The following HDAC10 variants were observed in gnomAD, a reference collection of about 807,000 sequenced individuals.
The protein encoded by HDAC10 is histone deacetylase 10.
A neutral mutation model predicts 82.3 loss-of-function variants in HDAC10; 90 were observed. The ratio of observed to expected loss-of-function variants is 1.09; its 90% CI spans 0.92 to 1.30. The LOEUF (loss-of-function observed/expected upper bound fraction) is 1.30. Among genes scored for constraint, HDAC10 ranks in the 50% most tolerant of loss-of-function variants. The pLI, the probability that HDAC10 is intolerant of heterozygous loss-of-function variation, is 0.00. For synonymous variants in HDAC10, 456 were observed against 391.7 expected (o/e 1.16, Z -1.94); for missense variants, 934 against 876.3 (o/e 1.07, Z -0.83).
chr22:50,247,061 G>C (rs577247434), intron 14 of HDAC10, 95 bp from the exon 15 acceptor site: 1 of 711,252 alleles, frequency 1.4e-6, no homozygotes, highest in Non-Finnish European at 2.3e-6. Context: ...GTGTCTCTGC[G>C]GCTACTGTCA....
chr22:50,248,539 C>A lies in HDAC10; in HGVS notation c.907-67G>T. The A allele has an allele frequency of 6.6e-7, 1 of 1,523,582 alleles. No homozygotes were observed. Among genetic ancestry groups the A allele is most frequent in the Non-Finnish European group, 8.9e-7 (1 of 1,129,126 alleles). 94.4% of individuals were successfully genotyped at this position (1,523,582 alleles called of 1,614,324 possible). ...TGGGATGGGATGTCACCGGGAGAGC[C>A]CCTGCCTGGCTCTATCCCGGGCAGG... On this transcript the variant is annotated intron_variant, in intron 10 of 19. Transcript: ENST00000216271. The surrounding 1 kb of genome is among the most constrained non-coding windows in gnomAD (Gnocchi z 5.4).
chr22:50,247,436 A>G (rs752728663), intron 14 of HDAC10: 1 of 431,552 alleles, frequency 2.3e-6, no homozygotes, highest in African/African-American at 2.0e-5. Context: ...CCCTGCCTAA[A>G]TGTATACTTT....
Position 50,247,272 on chromosome 22 carries a change from A to G in HDAC10, c.1423-306T>C, listed in dbSNP as rs968197262. 11 of 336,650 alleles carry G rather than the reference A, an allele frequency of 3.3e-5. 1 individual carries two copies. In the South Asian group the frequency reaches 5.5e-4, roughly 17 times the overall value. 20.9% of individuals were successfully genotyped at this position (336,650 alleles called of 1,614,324 possible). Reference sequence around the variant, plus strand: ...TCCTGCCTCAGCCTCCTAAGTAACTACAGGCACACACCACCACGCTTGGCT... The same window carrying G: ...TCCTGCCTCAGCCTCCTAAGTAACTGCAGGCACACACCACCACGCTTGGCT... On this transcript the variant is annotated intron_variant, in intron 14 of 19. Coordinates refer to ENST00000216271, the MANE Select transcript of HDAC10 (RefSeq NM_032019.6).
rs780472298 is a variant in HDAC10, at chr22:50,246,889, G to A, written c.1500C>T (p.Ser500=). ...TLDVAVRRGL[S]HGAQRLLCVA... ...GTGAGGCTTACCTCTGGGCTCCGTG[G>A]GACAGGCCTCTCCGAACAGCCACAT... Residue 500 remains serine, a synonymous_variant, in exon 15 of 20, where the codon TCC becomes TCT. Coordinates refer to ENST00000216271, the MANE Select transcript of HDAC10 (RefSeq NM_032019.6). 1 of 1,612,114 alleles carries A rather than the reference G, an allele frequency of 6.2e-7. No homozygotes were observed. Among genetic ancestry groups the A allele is most frequent in the Admixed American group, 1.7e-5 (1 of 59,928 alleles).
chr22:50,246,319 A>G lies in HDAC10; in HGVS notation c.1629T>C (p.His543=), dbSNP rs199702126. The G allele has an allele frequency of 1.2e-6, 2 of 1,613,064 alleles. No individual in the cohort carries two copies. The highest frequency in any genetic ancestry group is 1.1e-5 in the South Asian group (1 of 91,080). The change falls in exon 17 of 20, where the codon CAT becomes CAC. Residue 543 remains histidine (H), a synonymous_variant. Coordinates refer to ENST00000216271, the MANE Select transcript of HDAC10 (RefSeq NM_032019.6). The part of the protein sequence containing the change: ...GKEAAALSMF[H]VSTPLPVMTG... ...TCACCACTGGCAGTGGCGTGGAGAC[A>G]TGGAACATGGATAGGGCAGCCGCCT...
rs566270218 is a variant in HDAC10 at position 50,250,107 on chromosome 22, G to A, written c.345C>T (p.Asp115=). ...TTTGCACAGCTCCAGTGAGCACAGC[G>A]TCCACCAGCTGCAGTCCAGCCCCTG... ...LAAGAGLQLV[D]AVLTGAVQNG... Residue 115 remains aspartate, a synonymous_variant, in exon 4 of 20, where the codon GAC becomes GAT. Transcript: ENST00000216271. 80 of 1,612,706 alleles carry A rather than the reference G, an allele frequency of 5.0e-5. No individual in the cohort carries two copies. The South Asian group carries it at 6.4e-4, about 13-fold the overall frequency.
chr22:50,246,566 C>CA, intron 16 of HDAC10, 113 bp downstream of exon 16: 4 of 1,176,706 alleles, frequency 3.4e-6, no homozygotes, highest in Non-Finnish European at 5.0e-6. Flanking sequence ...AGGAAGGCTC[C>CA]ATTCAGTACC....
In HDAC10 at chr22:50,249,523, A is replaced by G; in HGVS notation, c.564-69T>C. On this transcript the variant is annotated intron_variant, in intron 6 of 19. Transcript: ENST00000216271. The surrounding 1 kb of genome is among the most constrained non-coding windows in gnomAD (Gnocchi z 4.4). ...TCAACAGCTCTACAGCTCCCTGTAG[A>G]ACGCTGACCCCTGAGCACATGTCTG... 6.8e-6 allele frequency: 11 copies of G among 1,606,352 alleles called. No individual in the cohort carries two copies. Among genetic ancestry groups the G allele is most frequent in the Non-Finnish European group, 9.4e-6 (11 of 1,175,192 alleles).
chr22:50,245,975 C>G lies in HDAC10; in HGVS notation c.1768G>C (p.Ala590Pro). ...CGAAGCATTGCAGCCAGGAGTGCAGCGTGGGGGCCCTGCAGGCCATGGCCA... is the reference window on the plus strand; with the variant it reads ...CGAAGCATTGCAGCCAGGAGTGCAGGGTGGGGGCCCTGCAGGCCATGGCCA... ...GPGHGLQGPH[A>P]ALLAAMLRGL... is the part of the protein sequence containing the mutation. The change falls in exon 18 of 20, where the codon GCT becomes CCT. Residue 590 changes from alanine to proline, a missense_variant. Physicochemically the swap from Ala to Pro is conservative, Grantham distance 27. Coordinates refer to ENST00000216271, the MANE Select transcript of HDAC10 (RefSeq NM_032019.6). 1 of 1,608,672 alleles carries G rather than the reference C, an allele frequency of 6.2e-7. No individual in the cohort carries two copies. Among genetic ancestry groups the G allele is most frequent in the Non-Finnish European group, 8.5e-7 (1 of 1,178,260 alleles).
chr22:50,249,392 G>T lies in HDAC10; in HGVS notation c.626C>A (p.Ser209Ter). ...HGRFWPFLRE[S>*]DADAVGRGQG... The stretch of plus-strand genomic sequence containing the variant: ...TCCCCGCCCCACTGCGTCTGCATCT[G>T]ACTCTCGCAGGAAAGGCCAGAAGCG... The change falls in exon 7 of 20, where the codon TCA becomes TAA. Residue 209 changes from serine (S) to a stop codon, truncating the protein, a stop_gained. Coordinates refer to ENST00000216271, the MANE Select transcript of HDAC10 (RefSeq NM_032019.6). LOFTEE classifies it high-confidence loss of function. This position sits in a 1 kb window ranked among gnomAD's most constrained non-coding sequence, Gnocchi z 4.4. 6.2e-7 allele frequency: 1 copy of T among 1,612,694 alleles called. No homozygotes were observed. The highest frequency in any genetic ancestry group is 1.7e-5 in the Admixed American group (1 of 60,002).
chr22:50,248,840 C>T lies in HDAC10; in HGVS notation c.807G>A (p.Gly269=). The change falls in exon 9 of 20, where the codon GGG becomes GGA. Residue 269 remains glycine, a synonymous_variant. Transcript: ENST00000216271. The surrounding 1 kb of genome is among the most constrained non-coding windows in gnomAD (Gnocchi z 5.4). ...LVSAGFDSAI[G]DPEGQMQATP... ...AAGGCAAGGCCCTCACCTCAGGGTCCCCGATGGCTGAGTCAAATCCTGCCG... is the reference window on the plus strand; with the variant it reads ...AAGGCAAGGCCCTCACCTCAGGGTCTCCGATGGCTGAGTCAAATCCTGCCG... 2.5e-6 allele frequency: 4 copies of T among 1,611,062 alleles called. No individual in the cohort carries two copies. Among genetic ancestry groups the T allele is most frequent in the Non-Finnish European group, 3.4e-6 (4 of 1,179,234 alleles).
In HDAC10 at chr22:50,246,286, A is replaced by T; in HGVS notation, c.1650+12T>A. Reference sequence around the variant, plus strand: ...CCCAGCACCTGCCTTGCCGCGTGGCATGGTCACTCACCACTGGCAGTGGCG... The same window carrying T: ...CCCAGCACCTGCCTTGCCGCGTGGCTTGGTCACTCACCACTGGCAGTGGCG... On this transcript the variant is annotated intron_variant, in intron 17 of 19. Transcript: ENST00000216271. 6.2e-7 allele frequency: 1 copy of T among 1,611,092 alleles called. No homozygotes were observed. The highest frequency in any genetic ancestry group is 1.1e-5 in the South Asian group (1 of 91,048).
intron 3 of HDAC10, 80 bp from the exon 4 acceptor site, chr22:50,250,240 G>A: frequency 1.4e-6 from 2 of 1,394,068 alleles, no homozygotes; most frequent in Non-Finnish European, 2.0e-6. Flanking sequence ...GTGCCAGGCT[G>A]CAAGACACCA....
At position 50,249,170 on chromosome 22, in the gene HDAC10, T is replaced by C; in HGVS notation, c.691-2A>G. ...GTAGTCAGCGTTTCCCATCCCAACC[T>C]GGCAGGACATCCCAGGCTACATCCT... On this transcript the variant is annotated splice_acceptor_variant, in intron 7 of 19. Coordinates refer to ENST00000216271, the MANE Select transcript of HDAC10 (RefSeq NM_032019.6). LOFTEE classifies it high-confidence loss of function. This position sits in a 1 kb window ranked among gnomAD's most constrained non-coding sequence, Gnocchi z 4.4. 1 of 1,519,332 alleles carries C rather than the reference T, an allele frequency of 6.6e-7. No individual in the cohort carries two copies. The highest frequency in any genetic ancestry group is 1.1e-5 in the South Asian group (1 of 87,020). The allele number at this position is 1,519,332 out of a possible 1,614,324, so 94.1% of individuals were successfully genotyped here. A position where few individuals can be genotyped will look rare whatever the true frequency, so the allele number is the denominator to read the frequency against.
intron 14 of HDAC10, chr22:50,247,401 G>A (rs1047317951): frequency 3.6e-5 from 13 of 357,904 alleles, no homozygotes; most frequent in Non-Finnish European, 5.0e-5. Context: ...CCAAACTGCC[G>A]TTATTACAGG....
rs1011348773 is a variant in HDAC10, at chr22:50,249,578, G to A, written c.563+57C>T. 6.2e-7 allele frequency: 1 copy of A among 1,609,444 alleles called. No individual in the cohort carries two copies. The highest frequency in any genetic ancestry group is 1.3e-5 in the African/African-American group (1 of 74,854). ...TCACCCCTGGATTTTCCCAGGCCAGGCTGTGCACCCAAAAACTGGGGCTGC... is the reference window on the plus strand; with the variant it reads ...TCACCCCTGGATTTTCCCAGGCCAGACTGTGCACCCAAAAACTGGGGCTGC... On this transcript the variant is annotated intron_variant, in intron 6 of 19. Transcript: ENST00000216271. This position sits in a 1 kb window ranked among gnomAD's most constrained non-coding sequence, Gnocchi z 4.4.
rs751406302 is a variant in HDAC10 at position 50,246,076 on chromosome 22, AGGAAACCACC to A, written c.1657_1666del (p.Gly553Ter). On this transcript the variant is annotated frameshift_variant, in exon 18 of 20. Transcript: ENST00000216271. LOFTEE classifies it high-confidence loss of function. ...CAGCACCAAGCCCAAGATGCAGCTCAGGAAACCACCGGTCATCTGTGGGGACAGCAGAGCC... is the reference window on the plus strand; with the variant it reads ...CAGCACCAAGCCCAAGATGCAGCTCAGGTCATCTGTGGGGACAGCAGAGCC... 1.9e-6 allele frequency: 3 copies of A among 1,607,784 alleles called. No homozygotes were observed. The highest frequency in any genetic ancestry group is 1.3e-5 in the African/African-American group (1 of 74,800).
In HDAC10 at chr22:50,248,418, G is replaced by T; in HGVS notation, c.961C>A (p.Leu321Met). The change falls in exon 11 of 20, where the codon CTG becomes ATG. Residue 321 changes from leucine (L) to methionine (M), a missense_variant. Coordinates refer to ENST00000216271, the MANE Select transcript of HDAC10 (RefSeq NM_032019.6). The surrounding 1 kb of genome is among the most constrained non-coding windows in gnomAD (Gnocchi z 5.4). ...AGGGGTGGGGCCGGGTCACCCAGCA[G>T]CGTCTGTACTGTCATGCACACTGAC... ...AESVCMTVQTLLGDPAPPLSG... is the reference protein window; with the variant it reads ...AESVCMTVQTMLGDPAPPLSG... 6.2e-7 allele frequency: 1 copy of T among 1,608,928 alleles called. No homozygotes were observed.
chr22:50,249,218 C>T lies in HDAC10; in HGVS notation c.691-50G>A, dbSNP rs745481377. The T allele has an allele frequency of 3.0e-5, 20 of 665,964 alleles. No homozygotes were observed. Among genetic ancestry groups the T allele is most frequent in the Admixed American group, 6.5e-5 (2 of 30,576 alleles). The allele number at this position is 665,964 out of a possible 1,614,324, so 41.3% of individuals were successfully genotyped here. ...CCTGAACTGTGGGGCAGGGGAGGGG[C>T]CCGGGGGAGGGGGTGGGTGGGGACC... is the stretch of plus-strand genomic sequence containing the variant. On this transcript the variant is annotated intron_variant, in intron 7 of 19. Transcript: ENST00000216271. The surrounding 1 kb of genome is among the most constrained non-coding windows in gnomAD (Gnocchi z 4.4).
Sources: allele counts gnomAD v4.1 joint callset, GRCh38; gene constraint gnomAD v4.1.1; non-coding constraint Gnocchi (gnomAD v3.1); transcripts MANE v1.5; gene names NCBI Gene and HGNC (gene_info 2026-07-23, HGNC 2026-07-21).